UNC13C: variants seen among roughly 807,000 people sequenced by gnomAD.
UNC13C encodes unc-13 homolog C.
Under a neutral mutation model 245.4 loss-of-function variants are expected in UNC13C, and 174 were observed. That is an observed-to-expected ratio of 0.71 (90% CI 0.63 to 0.80). The LOEUF (loss-of-function observed/expected upper bound fraction) is 0.80. UNC13C is among the 30% of genes least tolerant of loss of function. The probability of loss-of-function intolerance (pLI) is 0.00; values close to 1 mark genes in which losing one functional copy is unlikely to be tolerated. For missense variants in UNC13C, 2,829 were observed against 2,602.9 expected (o/e 1.09, Z -1.89); for synonymous variants, 992 against 895.1 (o/e 1.11, Z -1.93).
chr15:54,267,703 A>G (rs1370528041), intron 10 of UNC13C, among the ~76,000 whole-genome samples: 2 of 151,922 alleles, frequency 1.3e-5, no homozygotes, highest in Admixed American at 6.6e-5. Context: ...ATATTTTTTC[A>G]ACTCATTTGT....
chr15:54,199,063 A>G (rs2034444753), intron 4 of UNC13C, among the ~76,000 whole-genome samples: 1 of 151,974 alleles, frequency 6.6e-6, no homozygotes, highest in Non-Finnish European at 1.5e-5. Context: ...AACTCTCAGC[A>G]ATAGAATCAA....
chr15:54,528,897 C>T (rs566601432), intron 25 of UNC13C, among the ~76,000 whole-genome samples: 2 of 152,196 alleles, frequency 1.3e-5, no homozygotes, highest in Non-Finnish European at 2.9e-5. Flanking sequence ...CACTCCACCA[C>T]AAACAACATC....
intron 30 of UNC13C, among the ~76,000 whole-genome samples, chr15:54,619,172 T>G (rs982716441): frequency 1.3e-5 from 2 of 152,192 alleles, no homozygotes; most frequent in South Asian, 4.1e-4. Context: ...TACCTGAGAG[T>G]TCCTTAAATG....
intron 2 of UNC13C, among the ~76,000 whole-genome samples, chr15:54,098,247 T>C (rs1208713861): frequency 1.3e-5 from 2 of 152,202 alleles, no homozygotes; most frequent in Non-Finnish European, 2.9e-5. Flanking sequence ...TGATGTTGGC[T>C]CACTGCAACC....
At chr15:54,523,650 C>A (rs940428797) in intron 24 of UNC13C, among the ~76,000 whole-genome samples, 32 of 152,150 alleles carry the variant, frequency 2.1e-4, no homozygotes, top group African/African-American at 7.7e-4. Flanking sequence ...ACCTTGAAGG[C>A]CTTATCTGGT....
At chr15:54,553,428 A>AC (rs1896954010) in intron 28 of UNC13C, among the ~76,000 whole-genome samples, 1 of 133,414 alleles carries the variant, frequency 7.5e-6, no homozygotes, top group Non-Finnish European at 1.6e-5. Flanking sequence ...AATATTATAT[A>AC]TAATATATAA....
the UNC13C span, among the ~76,000 whole-genome samples, chr15:53,865,300 C>G: frequency 2.0e-5 from 3 of 152,128 alleles, no homozygotes; most frequent in Non-Finnish European, 2.9e-5. Context: ...AGAATACAGA[C>G]AGGGAGGCTT....
intron 23 of UNC13C, among the ~76,000 whole-genome samples, chr15:54,510,217 T>C (rs1894673262): frequency 6.6e-6 from 1 of 152,168 alleles, no homozygotes. Flanking sequence ...TCATTATAAG[T>C]CATTGTTTTA....
chr15:54,218,748 C>A (rs778742039), intron 4 of UNC13C, among the ~76,000 whole-genome samples: 2 of 151,692 alleles, frequency 1.3e-5, no homozygotes, highest in Non-Finnish European at 2.9e-5. Flanking sequence ...AAAAGCTGGG[C>A]CATTAGGTCA....
chr15:54,115,533 G>C (rs1272810665), intron 2 of UNC13C, among the ~76,000 whole-genome samples: 1 of 151,914 alleles, frequency 6.6e-6, no homozygotes, highest in African/African-American at 2.4e-5. Context: ...TACATATTTT[G>C]GGGGTACATG....
intron 4 of UNC13C, among the ~76,000 whole-genome samples, chr15:54,156,701 A>G (rs1413353997): frequency 6.6e-6 from 1 of 151,530 alleles, no homozygotes; most frequent in African/African-American, 2.4e-5. Flanking sequence ...ATCTCTTTGC[A>G]ATGTGTATGT....
At chr15:54,578,224 G>A (rs139342413) in intron 30 of UNC13C, among the ~76,000 whole-genome samples, 46 of 152,294 alleles carry the variant, frequency 3.0e-4, no homozygotes, top group African/African-American at 1.1e-3. Flanking sequence ...ATGCTGTGGG[G>A]AAATTATCAC....
Position 54,411,864 on chromosome 15 carries a change from A to G in UNC13C, c.4848-3118A>G, listed in dbSNP as rs117527164. 6.0e-4 allele frequency among the ~76,000 whole-genome samples: 92 copies of G among 152,292 alleles called. 2 individuals carry two copies. The East Asian group carries it at 0.015, about 24-fold the overall frequency. On this transcript the variant is annotated intron_variant, in intron 18 of 32. Transcript: ENST00000260323. ...TAGAATTTTGATTGAGATTGCATTGAATCTATGAATCAATTTGAGAAAAGA... is the reference window on the plus strand; with the variant it reads ...TAGAATTTTGATTGAGATTGCATTGGATCTATGAATCAATTTGAGAAAAGA...
the UNC13C span, among the ~76,000 whole-genome samples, chr15:53,900,726 A>T: frequency 6.6e-6 from 1 of 152,178 alleles, no homozygotes; most frequent in Non-Finnish European, 1.5e-5. Context: ...CCAACTTTTA[A>T]AGACTCAGAT....
intron 19 of UNC13C, among the ~76,000 whole-genome samples, chr15:54,464,974 A>G (rs981016055): frequency 1.3e-5 from 2 of 152,000 alleles, no homozygotes; most frequent in East Asian, 1.9e-4. Context: ...TTGATTTGTT[A>G]TAACAAATAC....
chr15:54,576,470 G>T (rs2553218), intron 30 of UNC13C, among the ~76,000 whole-genome samples: 88,869 of 152,032 alleles, frequency 0.58, 28,227 homozygotes, highest in African/African-American at 0.84. Flanking sequence ...ATAAATCCCC[G>T]CCGCAAACTT....
At chr15:54,237,432 C>A (rs546730660) in intron 6 of UNC13C, 187 bp from the exon 7 acceptor site, 6 of 688,382 alleles carry the variant, frequency 8.7e-6, no homozygotes, top group South Asian at 6.2e-5. Flanking sequence ...GTTGTGGGAT[C>A]GTTCCAGTTT....
the UNC13C span, among the ~76,000 whole-genome samples, chr15:53,968,859 A>G: frequency 6.6e-6 from 1 of 152,166 alleles, no homozygotes; most frequent in South Asian, 2.1e-4. Flanking sequence ...CTCTATTTTG[A>G]AAACCAGCAG....
chr15:53,978,053 G>A (rs1893769295), upstream of UNC13C, among the ~76,000 whole-genome samples: 1 of 152,188 alleles, frequency 6.6e-6, no homozygotes, highest in Non-Finnish European at 1.5e-5. Context: ...GAATGATACT[G>A]TGTGCGGTAT....
Sources: gnomAD v4.1 joint callset for allele counts (sites outside exome capture counted in the v4.1 genomes callset) on GRCh38, gnomAD v4.1.1 for gene constraint, MANE v1.5 for transcripts, NCBI Gene and HGNC (gene_info 2026-07-23, HGNC 2026-07-21) for gene names.